Variants in WNK2 observed in about 807,000 individuals in gnomAD.
The protein encoded by WNK2 is serine/threonine-protein kinase WNK2.
In WNK2, 67 loss-of-function variants were observed where a neutral mutation model predicts 192.1. The observed-to-expected ratio is 0.35, with a 90% CI of 0.29 to 0.43. The LOEUF is 0.43. Among genes scored for constraint, WNK2 ranks in the 20% least tolerant of loss-of-function variants. The pLI, the probability that WNK2 is intolerant of heterozygous loss-of-function variation, is 1.00. For missense variants in WNK2, 2,698 were observed against 3,089.7 expected (o/e 0.87, Z 3.01); for synonymous variants, 1,439 against 1,393.9 (o/e 1.03, Z -0.72).
chr9:93,277,751 T>C (rs1847154209), intron 19 of WNK2, among the ~76,000 whole-genome samples: 1 of 152,192 alleles, frequency 6.6e-6, no homozygotes, highest in South Asian at 2.1e-4. Context: ...CTATCCTGAT[T>C]GTGGTGGTAA....
At chr9:93,317,975 G>A (rs149156267) in intron 29 of WNK2, 43 of 1,612,700 alleles carry the variant, frequency 2.7e-5, no homozygotes, top group Middle Eastern at 3.3e-4. Context: ...GGGGGACAGC[G>A]GGTGGGCAGC....
intron 2 of WNK2, among the ~76,000 whole-genome samples, chr9:93,189,496 G>A (rs1403369417): frequency 2.0e-5 from 3 of 152,216 alleles, no homozygotes; most frequent in Non-Finnish European, 4.4e-5. Flanking sequence ...CACCCAGAGG[G>A]GGCAGGGCTC....
chr9:93,185,648 G>T, intron 2 of WNK2, 38 bp downstream of exon 2: 2 of 1,582,540 alleles, frequency 1.3e-6, no homozygotes. Context: ...TTTCCGCAGG[G>T]TCTGTCCGCG....
intron 29 of WNK2, chr9:93,319,475 G>A: frequency 2.1e-6 from 2 of 940,398 alleles, no homozygotes; most frequent in Non-Finnish European, 2.5e-6. Flanking sequence ...CTGCTGGTCG[G>A]GTTAGCTGGC....
At chr9:93,245,376 G>A (rs991538058) in intron 7 of WNK2, among the ~76,000 whole-genome samples, 14 of 152,158 alleles carry the variant, frequency 9.2e-5, no homozygotes, top group Non-Finnish European at 1.6e-4. Flanking sequence ...AAGTCCTCTG[G>A]GCCCCTTTCC....
At chr9:93,283,382 T>C (rs1454264827) in intron 19 of WNK2, among the ~76,000 whole-genome samples, 1 of 152,116 alleles carries the variant, frequency 6.6e-6, no homozygotes, top group African/African-American at 2.4e-5. Context: ...AAATGGCTCA[T>C]AGCATTAGTA....
At chr9:93,262,601 C>T (rs7867954) in intron 13 of WNK2, 69 bp from the exon 14 acceptor site, 166,712 of 1,547,422 alleles carry the variant, frequency 0.11, 9,747 homozygotes, top group African/African-American at 0.16. Context: ...GCTGACTATG[C>T]GTGGCTGTGC....
chr9:93,239,904 C>T lies in WNK2; in HGVS notation c.1470C>T (p.Pro490=). 1 of 1,611,790 alleles carries T rather than the reference C, an allele frequency of 6.2e-7. No individual in the cohort carries two copies. Among genetic ancestry groups the T allele is most frequent in the Non-Finnish European group, 8.5e-7 (1 of 1,178,994 alleles). ...VEDPKKLKGK[P]KDNGAIEFTF... is the part of the protein sequence containing the mutation. ...ACCCCAAGAAACTGAAGGGAAAGCC[C>T]AAGGACAATGGAGCCATAGAGTTCA... The change falls in exon 7 of 30, where the codon CCC becomes CCT. Residue 490 remains proline, a synonymous_variant. Coordinates refer to ENST00000427277, the MANE Select transcript of WNK2 (RefSeq NM_006648.4). This position sits in a 1 kb window ranked among gnomAD's most constrained non-coding sequence, Gnocchi z 4.2.
At chr9:93,194,418 A>T (rs1479124566) in intron 2 of WNK2, among the ~76,000 whole-genome samples, 2 of 152,246 alleles carry the variant, frequency 1.3e-5, no homozygotes, top group Admixed American at 6.5e-5. Flanking sequence ...CAGATACCTC[A>T]CCAAGGAAGA....
chr9:93,308,047 G>A, intron 27 of WNK2: 3 of 531,118 alleles, frequency 5.6e-6, no homozygotes, highest in Non-Finnish European at 9.9e-6. Context: ...TGGGCACAGA[G>A]TGGATGCTGA....
intron 2 of WNK2, 108 bp downstream of exon 2, chr9:93,185,718 C>A: frequency 7.5e-7 from 1 of 1,326,920 alleles, no homozygotes; most frequent in Non-Finnish European, 1.0e-6. Context: ...CTGGGGGCGG[C>A]GGGGCTCCAT....
At chr9:93,228,846 G>C (rs952154058) in intron 2 of WNK2, among the ~76,000 whole-genome samples, 1 of 152,184 alleles carries the variant, frequency 6.6e-6, no homozygotes, top group African/African-American at 2.4e-5. Context: ...TGAGGTGGGA[G>C]AGAGCGTGGC....
At chr9:93,214,577 TACAGGCATGAG>T (rs1467715874) in intron 2 of WNK2, among the ~76,000 whole-genome samples, 2 of 152,094 alleles carry the variant, frequency 1.3e-5, no homozygotes, top group Admixed American at 6.6e-5. Context: ...GTGCTGGGGT[TACAGGCATGAG>T]CCACCACGCC....
At chr9:93,265,002 G>A (rs1844924469) in intron 16 of WNK2, among the ~76,000 whole-genome samples, 1 of 152,256 alleles carries the variant, frequency 6.6e-6, no homozygotes, top group African/African-American at 2.4e-5. Flanking sequence ...GGGCTTTGCA[G>A]GGGGAAGCCC....
chr9:93,263,906 G>GC lies in WNK2; in HGVS notation c.3580-7dup, dbSNP rs1844756544. ...TACGCCCGTGGTGGGTGCTGATGCT[G>GC]CCCCTTCCAGGTGTGCAACACTGGG... On this transcript the variant is annotated splice_polypyrimidine_tract_variant and intron_variant, in intron 15 of 29. Transcript: ENST00000427277. 1.9e-6 allele frequency: 3 copies of GC among 1,607,784 alleles called. No individual in the cohort carries two copies. The African/African-American group carries it at 4.0e-5, about 22-fold the overall frequency.
intron 29 of WNK2, 139 bp downstream of exon 29, chr9:93,317,770 C>T (rs764880875): frequency 3.4e-6 from 5 of 1,453,944 alleles, no homozygotes; most frequent in African/African-American, 2.8e-5. Flanking sequence ...AGCTGGAACA[C>T]CCCCCAGGTG....
intron 28 of WNK2, among the ~76,000 whole-genome samples, chr9:93,310,021 A>G (rs1279062120): frequency 6.6e-6 from 1 of 152,202 alleles, no homozygotes; most frequent in Non-Finnish European, 1.5e-5. Context: ...GAGCAGACTT[A>G]GTGCTTGCGG....
At chr9:93,290,805 C>T (rs1296420161) in intron 21 of WNK2, among the ~76,000 whole-genome samples, 1 of 152,230 alleles carries the variant, frequency 6.6e-6, no homozygotes, top group Non-Finnish European at 1.5e-5. Flanking sequence ...CTCTTGGCTG[C>T]CACTGCGTCT....
At chr9:93,255,890 A>G (rs1843213449) in intron 9 of WNK2, among the ~76,000 whole-genome samples, 1 of 152,208 alleles carries the variant, frequency 6.6e-6, no homozygotes, top group South Asian at 2.1e-4. Context: ...GAGTGCTCAC[A>G]TGCTGTTCCA....
Sources: allele counts gnomAD v4.1 joint callset (sites outside exome capture counted in the v4.1 genomes callset), GRCh38; gene constraint gnomAD v4.1.1; non-coding constraint Gnocchi (gnomAD v3.1); transcripts MANE v1.5; gene names NCBI Gene and HGNC (gene_info 2026-07-23, HGNC 2026-07-21).